The following MAGI2 variants were observed in gnomAD, a reference collection of about 807,000 sequenced individuals.
The protein encoded by MAGI2 is membrane associated guanylate kinase, WW and PDZ domain containing 2.
MAGI2 carries 35 observed loss-of-function variants against 133.3 expected under a neutral mutation model. The ratio of observed to expected loss-of-function variants is 0.26; its 90% CI spans 0.20 to 0.35. MAGI2 has a LOEUF of 0.35. MAGI2 is among the 10% of genes least tolerant of loss of function. The pLI is 1.00. For synonymous variants in MAGI2, 729 were observed against 710.6 expected, an observed-to-expected ratio of 1.03 and a Z score of -0.41; for missense variants, 1,636 against 1,863.4, an observed-to-expected ratio of 0.88 and a Z score of 2.25.
chr7:78,699,293 G>A (rs1437929741), intron 2 of MAGI2, among the ~76,000 whole-genome samples: 1 of 152,108 alleles, frequency 6.6e-6, no homozygotes, highest in African/African-American at 2.4e-5. Context: ...TAGTGATAAG[G>A]TCTCACTGTA....
chr7:78,855,832 T>TCTTCGCCACACG (rs1447819113), intron 2 of MAGI2, among the ~76,000 whole-genome samples: 1 of 152,230 alleles, frequency 6.6e-6, no homozygotes, highest in African/African-American at 2.4e-5. Flanking sequence ...ATCGCCACAC[T>TCTTCGCCACACG]GTCTTCCACA....
intron 2 of MAGI2, among the ~76,000 whole-genome samples, chr7:78,719,907 G>A (rs1349906260): frequency 6.6e-6 from 1 of 152,072 alleles, no homozygotes; most frequent in Non-Finnish European, 1.5e-5. Flanking sequence ...TTTAATGTGT[G>A]CACTAATCTT....
At chr7:79,358,891 C>T (rs1463712475) in intron 1 of MAGI2, among the ~76,000 whole-genome samples, 2 of 152,160 alleles carry the variant, frequency 1.3e-5, no homozygotes, top group Non-Finnish European at 2.9e-5. Context: ...AGCAGGCTGA[C>T]TTTCAACTAA....
rs750349935 is a variant in MAGI2 at position 79,110,323 on chromosome 7, CA to C, written c.302-103118del. On this transcript the variant is annotated intron_variant, in intron 1 of 21. Transcript: ENST00000354212. ...AAGAGGGTGGTGGGGCTGAACCCTA[CA>C]AAGCCACAGAGGCAGAGTTGCCCAA... 1.5e-3 allele frequency among the ~76,000 whole-genome samples: 224 copies of C among 152,284 alleles called. 1 individual carries two copies. The highest frequency in any genetic ancestry group is 4.3e-3 in the South Asian group (21 of 4,834).
intron 20 of MAGI2, among the ~76,000 whole-genome samples, chr7:78,123,547 C>T (rs988158455): frequency 5.3e-5 from 8 of 152,132 alleles, no homozygotes; most frequent in African/African-American, 1.9e-4. Flanking sequence ...CAGTGCGATA[C>T]CATGATAGTC....
intron 2 of MAGI2, among the ~76,000 whole-genome samples, chr7:78,858,491 G>A (rs559837655): frequency 6.0e-4 from 91 of 152,240 alleles, no homozygotes; most frequent in African/African-American, 2.0e-3. Flanking sequence ...CTTTATTTCT[G>A]CCTTCCTTTC....
chr7:78,429,495 A>G (rs1799591876), intron 6 of MAGI2, among the ~76,000 whole-genome samples: 1 of 152,086 alleles, frequency 6.6e-6, no homozygotes, highest in Non-Finnish European at 1.5e-5. Context: ...ATTTTTTCCT[A>G]TGAGAAGCTA....
chr7:78,532,178 GCTC>G (rs965910397), intron 3 of MAGI2, among the ~76,000 whole-genome samples: 7 of 152,194 alleles, frequency 4.6e-5, no homozygotes, highest in African/African-American at 1.7e-4. Flanking sequence ...CCTCTAAAAT[GCTC>G]CTCACCTCCA....
chr7:78,930,924 C>A (rs774482154), intron 2 of MAGI2, among the ~76,000 whole-genome samples: 1 of 152,006 alleles, frequency 6.6e-6, no homozygotes, highest in Non-Finnish European at 1.5e-5. Context: ...TGGATGGGCA[C>A]TGAAACATAT....
At chr7:78,674,558 A>G (rs1353536102) in intron 2 of MAGI2, among the ~76,000 whole-genome samples, 1 of 152,028 alleles carries the variant, frequency 6.6e-6, no homozygotes, top group Non-Finnish European at 1.5e-5. Context: ...AATTTTTAAT[A>G]TTTTGTCTAC....
chr7:78,364,267 TA>T (rs1479986492), intron 7 of MAGI2, among the ~76,000 whole-genome samples: 4 of 152,238 alleles, frequency 2.6e-5, no homozygotes, highest in Non-Finnish European at 5.9e-5. Flanking sequence ...TGACTTTTTA[TA>T]AACTTTAAAG....
At chr7:78,873,179 A>AT (rs1795167496) in intron 2 of MAGI2, among the ~76,000 whole-genome samples, 1 of 152,250 alleles carries the variant, frequency 6.6e-6, no homozygotes, top group African/African-American at 2.4e-5. Context: ...CTAAATAAGT[A>AT]TTTTTTATGT....
rs1808247689 is a variant in MAGI2 at position 78,020,268 on chromosome 7, C to T, written c.3707-292G>A. 2.6e-5 allele frequency among the ~76,000 whole-genome samples: 4 copies of T among 152,180 alleles called. No individual in the cohort carries two copies. In the South Asian group the frequency reaches 8.3e-4, roughly 32 times the overall value. On this transcript the variant is annotated intron_variant, in intron 21 of 21. Coordinates refer to ENST00000354212, the MANE Select transcript of MAGI2 (RefSeq NM_012301.4). ...CCTTCGCCTTGGCCCTGCTAACTTCCGGGGGTGTTCTCGGGCCTGATAGTC... is the reference window on the plus strand; with the variant it reads ...CCTTCGCCTTGGCCCTGCTAACTTCTGGGGGTGTTCTCGGGCCTGATAGTC...
chr7:79,112,210 C>T (rs1423874827), intron 1 of MAGI2, among the ~76,000 whole-genome samples: 2 of 151,934 alleles, frequency 1.3e-5, no homozygotes, highest in Non-Finnish European at 2.9e-5. Flanking sequence ...TCTCTGTAAG[C>T]GAATAGTTAT....
chr7:79,221,284 T>C (rs1830426872), intron 1 of MAGI2, among the ~76,000 whole-genome samples: 1 of 152,052 alleles, frequency 6.6e-6, no homozygotes, highest in Non-Finnish European at 1.5e-5. Flanking sequence ...GAAATGTGGA[T>C]TGTTATTCCG....
rs775083753 is a variant in MAGI2, at chr7:78,160,098, G to A, written c.2772C>T (p.His924=). 8.7e-6 allele frequency: 14 copies of A among 1,610,476 alleles called. No homozygotes were observed. The highest frequency in any genetic ancestry group is 1.0e-5 in the Non-Finnish European group (12 of 1,178,190). ...AGCCGAAGCCCTCATTCTCTTTGCG[G>A]TGAATGACCACATCACTGGTCTGCA... is the stretch of plus-strand genomic sequence containing the variant. The part of the protein sequence containing the change: ...HSLQTSDVVI[H]RKENEGFGFV... Residue 924 remains histidine, a synonymous_variant, in exon 16 of 22, where the codon CAC becomes CAT. Transcript: ENST00000354212.
At chr7:79,132,545 A>G (rs775574334) in intron 1 of MAGI2, among the ~76,000 whole-genome samples, 2 of 152,102 alleles carry the variant, frequency 1.3e-5, no homozygotes, top group Non-Finnish European at 1.5e-5. Context: ...TCATTAGTCA[A>G]TGGGCACTTA....
intron 2 of MAGI2, among the ~76,000 whole-genome samples, chr7:78,968,719 C>T (rs1445586744): frequency 6.6e-6 from 1 of 151,910 alleles, no homozygotes; most frequent in Non-Finnish European, 1.5e-5. Context: ...ATGAGATCCC[C>T]ATACATAAAA....
intron 1 of MAGI2, among the ~76,000 whole-genome samples, chr7:79,337,961 C>T (rs775724938): frequency 6.6e-6 from 1 of 152,042 alleles, no homozygotes; most frequent in Non-Finnish European, 1.5e-5. Flanking sequence ...GGAATATCTT[C>T]CTATTTTTAG....
Sources: gnomAD v4.1 joint callset for allele counts (sites outside exome capture counted in the v4.1 genomes callset) on GRCh38, gnomAD v4.1.1 for gene constraint, MANE v1.5 for transcripts, NCBI Gene and HGNC (gene_info 2026-07-23, HGNC 2026-07-21) for gene names.